LUZP2: variants seen among roughly 807,000 people sequenced by gnomAD.
LUZP2 encodes the protein leucine zipper protein 2.
In LUZP2, 52 loss-of-function variants were observed where a neutral mutation model predicts 51.6. That is an observed-to-expected ratio of 1.01 (90% CI 0.81 to 1.27). LUZP2 has a LOEUF of 1.27. Among genes scored for constraint, LUZP2 ranks in the 50% most tolerant of loss-of-function variants. LUZP2 has a pLI of 0.00. For missense variants in LUZP2, 436 were observed against 395.4 expected, an observed-to-expected ratio of 1.10 and a Z score of -0.87; for synonymous variants, 154 against 137.3, an observed-to-expected ratio of 1.12 and a Z score of -0.85.
chr11:24,755,992 T>C (rs1216615708), intron 4 of LUZP2, among the ~76,000 whole-genome samples: 1 of 152,146 alleles, frequency 6.6e-6, no homozygotes, highest in Non-Finnish European at 1.5e-5. Context: ...TAAGAGACGT[T>C]TGCCATCTAT....
chr11:24,565,736 C>T (rs900235058), intron 1 of LUZP2, among the ~76,000 whole-genome samples: 2 of 151,990 alleles, frequency 1.3e-5, no homozygotes, highest in African/African-American at 4.8e-5. Context: ...AAAGTGCCAA[C>T]AGCAAGATAA....
intron 8 of LUZP2, among the ~76,000 whole-genome samples, chr11:24,977,519 T>A (rs983759672): frequency 6.6e-6 from 1 of 151,690 alleles, no homozygotes; most frequent in African/African-American, 2.4e-5. Context: ...AGAGCACTTC[T>A]GCTGTACCAT....
intron 1 of LUZP2, among the ~76,000 whole-genome samples, chr11:24,671,023 A>AT (rs1344478969): frequency 6.6e-6 from 1 of 151,776 alleles, no homozygotes. Context: ...TATTGTGTAT[A>AT]TTTTTATCCT....
chr11:25,045,705 T>C (rs967065147), intron 9 of LUZP2, among the ~76,000 whole-genome samples: 2 of 152,158 alleles, frequency 1.3e-5, no homozygotes, highest in Non-Finnish European at 2.9e-5. Context: ...ATTTCCATCA[T>C]TGCTGAGCCT....
At chr11:24,984,727 TGA>T (rs936834683) in intron 9 of LUZP2, among the ~76,000 whole-genome samples, 13 of 151,344 alleles carry the variant, frequency 8.6e-5, no homozygotes, top group African/African-American at 2.9e-4. Flanking sequence ...AAGTTTCTGC[TGA>T]GAGTCTTCAA....
chr11:25,054,295 A>G (rs1353157327), intron 10 of LUZP2, among the ~76,000 whole-genome samples: 4 of 152,146 alleles, frequency 2.6e-5, no homozygotes, highest in Admixed American at 2.6e-4. Context: ...CTGAAGTCCT[A>G]ATTTGTGTCT....
At chr11:24,662,168 T>C (rs1221154069) in intron 1 of LUZP2, among the ~76,000 whole-genome samples, 1 of 151,994 alleles carries the variant, frequency 6.6e-6, no homozygotes, top group Non-Finnish European at 1.5e-5. Context: ...AACCAAAATA[T>C]AAATACTTAA....
rs1413472498 is a variant in LUZP2 at position 25,064,960 on chromosome 11, A to G, written c.859-12369A>G. Among the ~76,000 whole-genome samples the G allele has an allele frequency of 2.0e-5, 3 of 152,066 alleles. No individual in the cohort carries two copies. In the East Asian group the frequency reaches 5.8e-4, roughly 29 times the overall value. On this transcript the variant is annotated intron_variant, in intron 10 of 11. Transcript: ENST00000336930. ...GAGGTTTAATATGTTAGCATTTAAA[A>G]CCATAATCATAACCAACTACTCAGA...
In LUZP2 at chr11:24,893,776, A is replaced by G. The variant is rs1004237220; in HGVS notation, c.397-12215A>G. On this transcript the variant is annotated intron_variant, in intron 5 of 11. Coordinates refer to ENST00000336930, the MANE Select transcript of LUZP2 (RefSeq NM_001009909.4). ...AACACATGCACAAATACACACGCAC[A>G]CACACACACACACACACACACACGC... Among the ~76,000 whole-genome samples, 15 of 32,162 alleles carry G rather than the reference A, an allele frequency of 4.7e-4. No individual in the cohort carries two copies. In the East Asian group the frequency reaches 0.014, roughly 29 times the overall value. 21.1% of individuals were successfully genotyped at this position (32,162 alleles called of 152,430 possible).
Position 24,568,892 on chromosome 11 carries a change from CAT to C in LUZP2, c.62+71590_62+71591del, listed in dbSNP as rs200399780. 9.5e-4 allele frequency among the ~76,000 whole-genome samples: 145 copies of C among 151,982 alleles called. 1 individual carries two copies. In the East Asian group the frequency reaches 0.023, roughly 24 times the overall value. ...TTTTGACCTAAGAGACATAGTAATA[CAT>C]ATGTTTTCTTTTAAATTTAATGACA... is the stretch of plus-strand genomic sequence containing the variant. On this transcript the variant is annotated intron_variant, in intron 1 of 11. Transcript: ENST00000336930.
chr11:24,622,994 A>G (rs1245615397), intron 1 of LUZP2, among the ~76,000 whole-genome samples: 3 of 152,150 alleles, frequency 2.0e-5, no homozygotes, highest in South Asian at 4.1e-4. Flanking sequence ...CTTGATGCAA[A>G]TGTTACATTT....
intron 1 of LUZP2, among the ~76,000 whole-genome samples, chr11:24,696,985 T>C (rs186163956): frequency 2.6e-5 from 4 of 152,178 alleles, no homozygotes; most frequent in African/African-American, 9.6e-5. Flanking sequence ...TACCTTGGGT[T>C]TGGTAAAGAT....
intron 1 of LUZP2, among the ~76,000 whole-genome samples, chr11:24,528,042 T>G (rs530951114): frequency 1.3e-5 from 2 of 151,312 alleles, no homozygotes; most frequent in Non-Finnish European, 3.0e-5. Context: ...TGACTATTAT[T>G]GAGAATATGG....
At position 25,075,538 on chromosome 11, in the gene LUZP2, A is replaced by C. The variant is rs147753231; in HGVS notation, c.859-1791A>C. Among the ~76,000 whole-genome samples, 378 of 152,330 alleles carry C rather than the reference A, an allele frequency of 2.5e-3. 1 individual carries two copies. Among genetic ancestry groups the C allele is most frequent in the Non-Finnish European group, 4.0e-3 (269 of 68,026 alleles). On this transcript the variant is annotated intron_variant, in intron 10 of 11. Coordinates refer to ENST00000336930, the MANE Select transcript of LUZP2 (RefSeq NM_001009909.4). ...GAGATAAATGTTGCCCCTGTCTTAA[A>C]GTTATTCACAATATATTGGGGAGGC...
intron 1 of LUZP2, among the ~76,000 whole-genome samples, chr11:24,535,856 T>C (rs1196661817): frequency 1.3e-5 from 2 of 151,730 alleles, no homozygotes; most frequent in African/African-American, 4.8e-5. Context: ...CCTTTGCTCA[T>C]GTCTATCAGA....
chr11:24,987,135 C>T (rs894616972), intron 9 of LUZP2, among the ~76,000 whole-genome samples: 1 of 151,828 alleles, frequency 6.6e-6, no homozygotes, highest in Non-Finnish European at 1.5e-5. Context: ...TGGTGCCTGA[C>T]ACACATAAAG....
At chr11:24,630,673 C>CTT (rs57556855) in intron 1 of LUZP2, among the ~76,000 whole-genome samples, 60 of 131,626 alleles carry the variant, frequency 4.6e-4, no homozygotes, top group Non-Finnish European at 6.7e-4. Context: ...GCTATTCCGA[C>CTT]TTTTTTTTTT....
At chr11:24,754,098 T>C (rs1859687932) in intron 4 of LUZP2, among the ~76,000 whole-genome samples, 1 of 152,180 alleles carries the variant, frequency 6.6e-6, no homozygotes, top group South Asian at 2.1e-4. Context: ...GTGAGATGAA[T>C]CCCATGACTC....
chr11:24,686,802 C>T (rs1174214004), intron 1 of LUZP2, among the ~76,000 whole-genome samples: 1 of 152,132 alleles, frequency 6.6e-6, no homozygotes, highest in Non-Finnish European at 1.5e-5. Flanking sequence ...TATGCTTTAA[C>T]TTTCTCACCT....
Sources: gnomAD v4.1 joint callset for allele counts (sites outside exome capture counted in the v4.1 genomes callset) on GRCh38, gnomAD v4.1.1 for gene constraint, MANE v1.5 for transcripts, NCBI Gene and HGNC (gene_info 2026-07-23, HGNC 2026-07-21) for gene names.